WWOX: variants seen among roughly 807,000 people sequenced by gnomAD.
WWOX encodes WW domain containing oxidoreductase.
In WWOX, 69 loss-of-function variants were observed where a neutral mutation model predicts 46.2. The ratio of observed to expected loss-of-function variants is 1.49; its 90% confidence interval spans 1.23 to 1.82. The LOEUF is 1.82. Among genes scored for constraint, WWOX ranks in the 40% most tolerant of loss-of-function variants. The pLI is 0.00. For missense variants in WWOX, 919 were observed against 542.6 expected (o/e 1.69, Z -6.89); for synonymous variants, 359 against 202.6 (o/e 1.77, Z -6.56).
chr16:78,432,793 T>TA (rs1415026677), intron 8 of WWOX, 41 bp downstream of exon 8: 2 of 1,613,610 alleles, frequency 1.2e-6, no homozygotes, highest in Non-Finnish European at 1.7e-6. Flanking sequence ...CCTTGGGTCC[T>TA]AGAGAAACCT....
intron 8 of WWOX, among the ~76,000 whole-genome samples, chr16:78,712,996 G>A (rs72799073): frequency 1.0e-3 from 156 of 152,178 alleles, no homozygotes; most frequent in Non-Finnish European, 1.8e-3. Flanking sequence ...CAGGCCTGGT[G>A]TAGTGGCTCA....
chr16:79,079,328 T>G (rs560426449), intron 8 of WWOX, among the ~76,000 whole-genome samples: 12 of 152,186 alleles, frequency 7.9e-5, no homozygotes, highest in South Asian at 2.1e-4. Flanking sequence ...TTGCCTCTCT[T>G]TTTTTCTTGG....
intron 8 of WWOX, among the ~76,000 whole-genome samples, chr16:78,620,287 A>T (rs1416907916): frequency 6.6e-6 from 1 of 152,196 alleles, no homozygotes; most frequent in South Asian, 2.1e-4. Context: ...GGATTGGCCC[A>T]TGGCTTTCTG....
At chr16:78,639,861 A>G (rs564066847) in intron 8 of WWOX, among the ~76,000 whole-genome samples, 131 of 152,240 alleles carry the variant, frequency 8.6e-4, no homozygotes, top group Non-Finnish European at 1.0e-3. Flanking sequence ...CCACCATGCT[A>G]GGCCCAGATT....
Position 78,754,788 on chromosome 16 carries a change from C to A in WWOX, c.1056+322036C>A, listed in dbSNP as rs183111842. 3.3e-3 allele frequency among the ~76,000 whole-genome samples: 507 copies of A among 152,168 alleles called. 6 individuals carry two copies. Among genetic ancestry groups the A allele is most frequent in the African/African-American group, 0.012 (481 of 41,514 alleles). ...GAGTTTGACAGTGTGAATGAGATGA[C>A]CTCTAAGGCCTCTACTTATAGATCT... is the stretch of plus-strand genomic sequence containing the variant. On this transcript the variant is annotated intron_variant, in intron 8 of 8. Transcript: ENST00000566780.
chr16:78,816,997 C>T lies in WWOX; in HGVS notation c.1056+384245C>T, dbSNP rs573400347. On this transcript the variant is annotated intron_variant, in intron 8 of 8. Coordinates refer to ENST00000566780, the MANE Select transcript of WWOX (RefSeq NM_016373.4). ...GCCTGAGCTATTGCCCAAACCAGTC[C>T]TGACTTGGCTTGGGTTCTGACCAAC... Among the ~76,000 whole-genome samples the T allele has an allele frequency of 2.0e-5, 3 of 152,076 alleles. No homozygotes were observed. The East Asian group carries it at 5.8e-4, about 29-fold the overall frequency.
intron 6 of WWOX, among the ~76,000 whole-genome samples, chr16:78,395,128 A>G (rs545983432): frequency 2.3e-4 from 35 of 152,316 alleles, no homozygotes; most frequent in Admixed American, 1.8e-3. Flanking sequence ...CTGAGAATAT[A>G]TAGAGTTTAA....
rs558500848 is a variant in WWOX, at chr16:78,303,472, G to A, written c.517-83388G>A. Among the ~76,000 whole-genome samples the A allele has an allele frequency of 4.4e-4, 67 of 152,232 alleles. 2 individuals carry two copies. The South Asian group carries it at 0.014, about 32-fold the overall frequency. ...AGAACTAGGGAGTTGAGTGAGCTTG[G>A]ATTTGAGCTCCACTTTTCAAATTTT... is the stretch of plus-strand genomic sequence containing the variant. On this transcript the variant is annotated intron_variant, in intron 5 of 8. Transcript: ENST00000566780.
At chr16:78,545,680 A>G (rs985800434) in intron 8 of WWOX, among the ~76,000 whole-genome samples, 24 of 152,228 alleles carry the variant, frequency 1.6e-4, no homozygotes, top group African/African-American at 5.8e-4. Flanking sequence ...CTAACATGAC[A>G]AAATACCACC....
intron 8 of WWOX, among the ~76,000 whole-genome samples, chr16:79,117,329 A>T (rs1382059664): frequency 6.6e-6 from 1 of 152,148 alleles, no homozygotes; most frequent in Non-Finnish European, 1.5e-5. Context: ...TTTTTAAAGG[A>T]ATACAAATTT....
Position 79,171,061 on chromosome 16 carries a change from C to G in WWOX, c.1057-40547C>G, listed in dbSNP as rs1034154770. ...CTAGAGAAGTGAACTTTAAGAGGAA[C>G]TATGTTTATTCAGTGGTGATTATTT... On this transcript the variant is annotated intron_variant, in intron 8 of 8. Coordinates refer to ENST00000566780, the MANE Select transcript of WWOX (RefSeq NM_016373.4). Among the ~76,000 whole-genome samples, 4 of 152,310 alleles carry G rather than the reference C, an allele frequency of 2.6e-5. No individual in the cohort carries two copies. In the South Asian group the frequency reaches 8.3e-4, roughly 32 times the overall value.
chr16:78,996,131 G>A (rs1015615646), intron 8 of WWOX: 15 of 906,370 alleles, frequency 1.7e-5, no homozygotes, highest in Middle Eastern at 1.1e-3. Flanking sequence ...CAGCTCAGGC[G>A]TAGAATGTTC....
At chr16:78,300,235 G>T (rs1229835594) in intron 5 of WWOX, among the ~76,000 whole-genome samples, 1 of 152,172 alleles carries the variant, frequency 6.6e-6, no homozygotes. Context: ...GAGCCTAGGA[G>T]ATACATGGAG....
At chr16:78,646,989 G>C (rs1346941537) in intron 8 of WWOX, among the ~76,000 whole-genome samples, 2 of 152,152 alleles carry the variant, frequency 1.3e-5, no homozygotes, top group Non-Finnish European at 2.9e-5. Context: ...CTCAGACTCT[G>C]CTGGGCCCAG....
chr16:78,716,044 A>G (rs987742365), intron 8 of WWOX, among the ~76,000 whole-genome samples: 1 of 151,726 alleles, frequency 6.6e-6, no homozygotes, highest in Non-Finnish European at 1.5e-5. Context: ...CATTATCATC[A>G]AGAGGAATGT....
intron 8 of WWOX, among the ~76,000 whole-genome samples, chr16:78,489,825 A>G (rs1171072021): frequency 2.6e-5 from 4 of 152,156 alleles, no homozygotes; most frequent in Admixed American, 6.5e-5. Flanking sequence ...ACTTGTCACT[A>G]AAGCTGCTGA....
chr16:78,169,484 A>G (rs58979405), intron 5 of WWOX, among the ~76,000 whole-genome samples: 100,511 of 150,052 alleles, frequency 0.67, 33,700 homozygotes, highest in African/African-American at 0.73. Context: ...AGATCTCAGG[A>G]CCTCTGCATG....
chr16:78,138,249 C>G (rs897410204), intron 4 of WWOX, among the ~76,000 whole-genome samples: 7 of 150,946 alleles, frequency 4.6e-5, no homozygotes, highest in African/African-American at 1.7e-4. Flanking sequence ...ATTGTGTGTT[C>G]AATGACTTAC....
chr16:78,857,691 T>C (rs1431685296), intron 8 of WWOX, among the ~76,000 whole-genome samples: 1 of 152,216 alleles, frequency 6.6e-6, no homozygotes, highest in Non-Finnish European at 1.5e-5. Context: ...TTTGAATTGA[T>C]CACTAGAGGC....
Sources: allele counts gnomAD v4.1 joint callset (sites outside exome capture counted in the v4.1 genomes callset), GRCh38; gene constraint gnomAD v4.1.1; transcripts MANE v1.5; gene names NCBI Gene and HGNC (gene_info 2026-07-23, HGNC 2026-07-21).